The following ARGLU1 variants were observed in gnomAD, a reference collection of about 807,000 sequenced individuals.
ARGLU1 encodes arginine and glutamate rich 1.
A neutral mutation model predicts 37.6 loss-of-function variants in ARGLU1; 9 were observed. The observed-to-expected ratio is 0.24, with a 90% CI of 0.14 to 0.42. The LOEUF is 0.42. Ranked by LOEUF, ARGLU1 falls within the 10% of genes least tolerant of loss-of-function variation. The pLI is 1.00. For missense variants in ARGLU1, 211 were observed against 359.2 expected (o/e 0.59, Z 3.34); for synonymous variants, 166 against 138.5 (o/e 1.20, Z -1.39).
At chr13:106,559,978 T>C (rs1458523590) in intron 1 of ARGLU1, among the ~76,000 whole-genome samples, 1 of 152,248 alleles carries the variant, frequency 6.6e-6, no homozygotes, top group Non-Finnish European at 1.5e-5. Flanking sequence ...ATTGACTTTA[T>C]AATCAGAGGA....
intron 2 of ARGLU1, 123 bp downstream of exon 2, chr13:106,559,308 GT>G: frequency 6.5e-7 from 1 of 1,543,942 alleles, no homozygotes; most frequent in Non-Finnish European, 8.7e-7. Context: ...GCAATGTTAA[GT>G]TTAGACGAGA....
chr13:106,552,260 G>A (rs1192730180), intron 3 of ARGLU1, among the ~76,000 whole-genome samples: 2 of 152,178 alleles, frequency 1.3e-5, no homozygotes, highest in African/African-American at 4.8e-5. Context: ...GGGGTGAGAA[G>A]AAAACTATTT....
At position 106,561,542 on chromosome 13, in the gene ARGLU1, G is replaced by A. The variant is rs77942662; in HGVS notation, c.348-1885C>T. ...CTTAATATTTAAAATTTCAAAACCG[G>A]TACAATGTGACTTTTAATTAACAAT... On this transcript the variant is annotated intron_variant, in intron 1 of 3. Coordinates refer to ENST00000400198, the MANE Select transcript of ARGLU1 (RefSeq NM_018011.4). Among the ~76,000 whole-genome samples, 1,031 of 151,674 alleles carry A rather than the reference G, an allele frequency of 6.8e-3. 4 individuals carry two copies. The highest frequency in any genetic ancestry group is 0.013 in the African/African-American group (517 of 41,276).
chr13:106,552,916 C>A (rs993718165), intron 3 of ARGLU1, among the ~76,000 whole-genome samples: 1 of 152,024 alleles, frequency 6.6e-6, no homozygotes, highest in African/African-American at 2.4e-5. Context: ...CAATGTGGAA[C>A]TGAAAAAAAC....
Position 106,568,045 on chromosome 13 carries a change from G to T in ARGLU1, c.-126C>A. 1 of 1,383,858 alleles carries T rather than the reference G, an allele frequency of 7.2e-7. No homozygotes were observed. Among genetic ancestry groups the T allele is most frequent in the Non-Finnish European group, 9.4e-7 (1 of 1,060,210 alleles). 85.7% of individuals were successfully genotyped at this position (1,383,858 alleles called of 1,614,324 possible). A position where few individuals can be genotyped will look rare whatever the true frequency, so the allele number is the denominator to read the frequency against. On this transcript the variant is annotated 5_prime_UTR_variant, in exon 1 of 4. Transcript: ENST00000400198. ...GAGGAAAGAAAGGTGTCGGCCAACG[G>T]ACTTTATGCCTTTTCCCGGCGTCTA...
In ARGLU1 at chr13:106,567,472, C is replaced by T. The variant is rs959200747; in HGVS notation, c.347+101G>A. The T allele has an allele frequency of 6.0e-6, 5 of 838,440 alleles. No individual in the cohort carries two copies. Among genetic ancestry groups the T allele is most frequent in the Non-Finnish European group, 9.0e-6 (5 of 553,544 alleles). 51.9% of individuals were successfully genotyped at this position (838,440 alleles called of 1,614,324 possible). A position where few individuals can be genotyped will look rare whatever the true frequency, so the allele number is the denominator to read the frequency against. On this transcript the variant is annotated intron_variant, in intron 1 of 3. Transcript: ENST00000400198. This position sits in a 1 kb window ranked among gnomAD's most constrained non-coding sequence, Gnocchi z 4.3. ...GCCCGGTCCCCAGCCCCGGACCGTC[C>T]CCGCCATTCTCCCGGCCCGCACCGT...
At position 106,543,985 on chromosome 13, in the gene ARGLU1, G is replaced by C; in HGVS notation, c.*11C>G. On this transcript the variant is annotated 3_prime_UTR_variant, in exon 4 of 4. Coordinates refer to ENST00000400198, the MANE Select transcript of ARGLU1 (RefSeq NM_018011.4). Reference sequence around the variant, plus strand: ...TCCATTTTTCTTTGTAAAAAGTTCAGAGTTTGCAATTTAATCCTGGGTTTT... The same window carrying C: ...TCCATTTTTCTTTGTAAAAAGTTCACAGTTTGCAATTTAATCCTGGGTTTT... 6.3e-7 allele frequency: 1 copy of C among 1,578,152 alleles called. No homozygotes were observed. Among genetic ancestry groups the C allele is most frequent in the African/African-American group, 1.4e-5 (1 of 72,118 alleles).
Position 106,541,854 on chromosome 13 carries a change from T to C in ARGLU1, c.*2142A>G, listed in dbSNP as rs1275467530. The C allele has an allele frequency of 6.6e-6, 1 of 152,144 alleles. No homozygotes were observed. Among genetic ancestry groups the C allele is most frequent in the Non-Finnish European group, 1.5e-5 (1 of 68,018 alleles). 9.4% of individuals were successfully genotyped at this position (152,144 alleles called of 1,614,324 possible). On this transcript the variant is annotated 3_prime_UTR_variant, in exon 4 of 4. Transcript: ENST00000400198. Reference sequence around the variant, plus strand: ...AATTAGGGAACATCTTAACTTCTAATAGACTGGGGGAAATTTTTAAGTTTT... The same window carrying C: ...AATTAGGGAACATCTTAACTTCTAACAGACTGGGGGAAATTTTTAAGTTTT...
intron 3 of ARGLU1, among the ~76,000 whole-genome samples, chr13:106,553,334 T>A (rs1214544951): frequency 6.6e-6 from 1 of 152,218 alleles, no homozygotes; most frequent in Non-Finnish European, 1.5e-5. Flanking sequence ...CAAATACTTT[T>A]TGGCTACAGA....
intron 3 of ARGLU1, among the ~76,000 whole-genome samples, chr13:106,553,110 A>C (rs1483975224): frequency 2.0e-5 from 3 of 152,228 alleles, no homozygotes; most frequent in Non-Finnish European, 4.4e-5. Context: ...GTGATAAAAA[A>C]AAGTGATATA....
Position 106,543,292 on chromosome 13 carries a change from C to T in ARGLU1, c.*704G>A, listed in dbSNP as rs562808808. Reference sequence around the variant, plus strand: ...AAAAAGTGAACCACCCTCTTTAAGACTTAACATAACATTAAAAAAAATTGC... The same window carrying T: ...AAAAAGTGAACCACCCTCTTTAAGATTTAACATAACATTAAAAAAAATTGC... On this transcript the variant is annotated 3_prime_UTR_variant, in exon 4 of 4. Coordinates refer to ENST00000400198, the MANE Select transcript of ARGLU1 (RefSeq NM_018011.4). 2.3e-4 allele frequency: 35 copies of T among 152,520 alleles called. No individual in the cohort carries two copies. Among genetic ancestry groups the T allele is most frequent in the African/African-American group, 8.2e-4 (34 of 41,516 alleles). The allele number at this position is 152,520 out of a possible 1,614,324, so 9.4% of individuals were successfully genotyped here. A position where few individuals can be genotyped will look rare whatever the true frequency, so the allele number is the denominator to read the frequency against.
At chr13:106,547,288 C>T (rs1880417509) in intron 3 of ARGLU1, among the ~76,000 whole-genome samples, 1 of 152,200 alleles carries the variant, frequency 6.6e-6, no homozygotes, top group Admixed American at 6.5e-5. Flanking sequence ...AGCACTCTCA[C>T]ACTATCAAAA....
intron 3 of ARGLU1, among the ~76,000 whole-genome samples, chr13:106,547,539 CAAGT>C (rs918372159): frequency 3.2e-4 from 49 of 151,984 alleles, no homozygotes; most frequent in African/African-American, 1.1e-3. Flanking sequence ...CCATTAAAAA[CAAGT>C]AAGAGGAAAA....
chr13:106,548,498 C>CTCA (rs1481695373), intron 3 of ARGLU1, among the ~76,000 whole-genome samples: 7 of 152,102 alleles, frequency 4.6e-5, no homozygotes, highest in African/African-American at 1.7e-4. Flanking sequence ...AAGCAACTCA[C>CTCA]TCACAAGGAT....
At chr13:106,565,375 G>C (rs1880933914) in intron 1 of ARGLU1, among the ~76,000 whole-genome samples, 1 of 152,162 alleles carries the variant, frequency 6.6e-6, no homozygotes, top group African/African-American at 2.4e-5. Flanking sequence ...TACCTTGCCT[G>C]ACATTGTCAT....
chr13:106,542,301 T>A lies in ARGLU1; in HGVS notation c.*1695A>T, dbSNP rs1288367971. ...TGAATCTTCACCAAAAAAAGTTACA[T>A]TGAAAAAAAAAAAAATTCATGAAAT... is the stretch of plus-strand genomic sequence containing the variant. On this transcript the variant is annotated 3_prime_UTR_variant, in exon 4 of 4. Coordinates refer to ENST00000400198, the MANE Select transcript of ARGLU1 (RefSeq NM_018011.4). The A allele has an allele frequency of 6.6e-6, 1 of 150,510 alleles. No individual in the cohort carries two copies. The allele number at this position is 150,510 out of a possible 1,614,324, so 9.3% of individuals were successfully genotyped here. A position where few individuals can be genotyped will look rare whatever the true frequency, so the allele number is the denominator to read the frequency against.
chr13:106,563,009 C>CAAAAAAAAAAAAAAAAAAAAAAAAAAAA (rs71809659), intron 1 of ARGLU1, among the ~76,000 whole-genome samples: 1 of 94,402 alleles, frequency 1.1e-5, no homozygotes, highest in Non-Finnish European at 2.2e-5. Context: ...AAAAAAAAAA[C>CAAAAAAAAAAAAAAAAAAAAAAAAAAAA]AAAAAAAAAA....
chr13:106,558,257 A>AAT, intron 2 of ARGLU1: 1 of 983,764 alleles, frequency 1.0e-6, no homozygotes, highest in Non-Finnish European at 1.2e-6. Flanking sequence ...TATAAATAAA[A>AAT]ATTTCATACA....
At chr13:106,552,007 G>A (rs1184931592) in intron 3 of ARGLU1, among the ~76,000 whole-genome samples, 4 of 152,172 alleles carry the variant, frequency 2.6e-5, no homozygotes, top group Non-Finnish European at 5.9e-5. Context: ...TCAAATTCCA[G>A]GCACTAGAAT....
Sources: gnomAD v4.1 joint callset for allele counts (sites outside exome capture counted in the v4.1 genomes callset) on GRCh38, gnomAD v4.1.1 for gene constraint, Gnocchi (gnomAD v3.1) non-coding constraint, MANE v1.5 for transcripts, NCBI Gene and HGNC (gene_info 2026-07-23, HGNC 2026-07-21) for gene names.